The following ZNRF3 variants were observed in gnomAD, a reference collection of about 807,000 sequenced individuals.
ZNRF3 encodes zinc and ring finger 3.
In ZNRF3, 23 loss-of-function variants were observed where a neutral mutation model predicts 72.5. The observed-to-expected ratio is 0.32, with a 90% CI of 0.23 to 0.45. The LOEUF (loss-of-function observed/expected upper bound fraction) is 0.45. Ranked by LOEUF, ZNRF3 falls within the 20% of genes least tolerant of loss-of-function variation. The pLI, the probability that ZNRF3 is intolerant of heterozygous loss-of-function variation, is 1.00. For synonymous variants in ZNRF3, 610 were observed against 545.3 expected, an observed-to-expected ratio of 1.12 and a Z score of -1.65; for missense variants, 1,169 against 1,272.1, an observed-to-expected ratio of 0.92 and a Z score of 1.23.
chr22:28,941,276 A>C (rs2034942796), intron 1 of ZNRF3, among the ~76,000 whole-genome samples: 1 of 151,990 alleles, frequency 6.6e-6, no homozygotes, highest in Non-Finnish European at 1.5e-5. Flanking sequence ...GAGTAGTGCA[A>C]ATTTGTATTT....
At chr22:28,899,453 A>G (rs1323311774) in intron 1 of ZNRF3, among the ~76,000 whole-genome samples, 1 of 152,170 alleles carries the variant, frequency 6.6e-6, no homozygotes, top group Non-Finnish European at 1.5e-5. Flanking sequence ...TCAGCATGCC[A>G]AGCCCCGGCG....
chr22:29,028,539 G>A (rs2036686964), intron 2 of ZNRF3, among the ~76,000 whole-genome samples: 1 of 152,136 alleles, frequency 6.6e-6, no homozygotes, highest in African/African-American at 2.4e-5. Flanking sequence ...TGATATATGT[G>A]TACGTATCTC....
intron 2 of ZNRF3, among the ~76,000 whole-genome samples, chr22:29,017,157 A>T (rs1182886363): frequency 3.9e-5 from 6 of 152,224 alleles, no homozygotes; most frequent in Non-Finnish European, 7.3e-5. Context: ...GCAGTATTTT[A>T]AGTGTAACTT....
chr22:29,003,691 T>C (rs1310840917), intron 2 of ZNRF3, among the ~76,000 whole-genome samples: 2 of 151,736 alleles, frequency 1.3e-5, no homozygotes, highest in East Asian at 3.9e-4. Flanking sequence ...CATTAAAAAA[T>C]TAGCCAGATG....
chr22:28,995,562 C>T (rs2036032857), intron 2 of ZNRF3, among the ~76,000 whole-genome samples: 1 of 152,154 alleles, frequency 6.6e-6, no homozygotes, highest in African/African-American at 2.4e-5. Context: ...AGGAAGGGGG[C>T]AGTCACCTTA....
Position 28,904,780 on chromosome 22 carries a change from CTG to C in ZNRF3, c.300+20716_300+20717del, listed in dbSNP as rs796647617. 3.9e-5 allele frequency among the ~76,000 whole-genome samples: 6 copies of C among 152,188 alleles called. 1 individual carries two copies. Among genetic ancestry groups the C allele is most frequent in the African/African-American group, 1.4e-4 (6 of 41,524 alleles). ...TGCTTCTTTGGTAAAGGCTACCTCT[CTG>C]TATCCTCCTGCCTGCTTGAGATTGC... On this transcript the variant is annotated intron_variant, in intron 1 of 8. Transcript: ENST00000544604.
chr22:29,002,842 G>T (rs950517589), intron 2 of ZNRF3, among the ~76,000 whole-genome samples: 1 of 152,230 alleles, frequency 6.6e-6, no homozygotes, highest in African/African-American at 2.4e-5. Flanking sequence ...GAAAGCGCCT[G>T]GCAGAAATGG....
At chr22:28,959,717 A>G (rs900435945) in intron 1 of ZNRF3, among the ~76,000 whole-genome samples, 1 of 152,164 alleles carries the variant, frequency 6.6e-6, no homozygotes, top group Non-Finnish European at 1.5e-5. Context: ...GATGGGGTCT[A>G]TGGGAGGCAG....
chr22:28,915,570 A>C (rs2034393023), intron 1 of ZNRF3, among the ~76,000 whole-genome samples: 1 of 152,124 alleles, frequency 6.6e-6, no homozygotes, highest in South Asian at 2.1e-4. Flanking sequence ...GAGAACCCCC[A>C]GTTCTTTCCG....
At chr22:28,949,040 C>T (rs529755196) in intron 1 of ZNRF3, among the ~76,000 whole-genome samples, 5 of 152,206 alleles carry the variant, frequency 3.3e-5, no homozygotes, top group African/African-American at 1.2e-4. Flanking sequence ...AGTGCAATGG[C>T]GTGATCTCGG....
intron 1 of ZNRF3, among the ~76,000 whole-genome samples, chr22:28,962,149 G>A (rs538307558): frequency 2.8e-4 from 42 of 152,268 alleles, no homozygotes; most frequent in African/African-American, 8.9e-4. Context: ...TTCAGTTCTC[G>A]GTTTGCATTT....
chr22:29,021,637 G>A (rs1310678820), intron 2 of ZNRF3, among the ~76,000 whole-genome samples: 3 of 151,890 alleles, frequency 2.0e-5, no homozygotes, highest in African/African-American at 7.3e-5. Flanking sequence ...ACAGGCACGC[G>A]CCACCATGCC....
intron 8 of ZNRF3, among the ~76,000 whole-genome samples, chr22:29,052,465 C>T (rs147916701): frequency 2.0e-5 from 3 of 152,326 alleles, no homozygotes; most frequent in East Asian, 3.9e-4. Context: ...GAGGCCAAGG[C>T]AGGCAGATCA....
At chr22:29,027,334 C>T (rs992280205) in intron 2 of ZNRF3, among the ~76,000 whole-genome samples, 5 of 152,056 alleles carry the variant, frequency 3.3e-5, no homozygotes, top group East Asian at 1.9e-4. Context: ...CTGCAACCTC[C>T]GCCTCCCGGG....
In ZNRF3 at chr22:29,006,472, A is replaced by T. The variant is rs2036249806; in HGVS notation, c.426+19271A>T. Among the ~76,000 whole-genome samples, 3 of 152,216 alleles carry T rather than the reference A, an allele frequency of 2.0e-5. No homozygotes were observed. The South Asian group carries it at 6.2e-4, about 32-fold the overall frequency. The stretch of plus-strand genomic sequence containing the variant: ...GGTGATCTGCCTGCCTCGTCCTCCG[A>T]AAGTGCTGGGATTACAGGTGTGAGC... On this transcript the variant is annotated intron_variant, in intron 2 of 8. Coordinates refer to ENST00000544604, the MANE Select transcript of ZNRF3 (RefSeq NM_001206998.2).
In ZNRF3 at chr22:29,053,488, C is replaced by T. The variant is rs2037244013; in HGVS notation, c.2768-91C>T. Reference sequence around the variant, plus strand: ...CCCTTTAGCATACACAGGCCTGCCACATGCTGGGGACAGGGCCACCTGAGT... The same window carrying T: ...CCCTTTAGCATACACAGGCCTGCCATATGCTGGGGACAGGGCCACCTGAGT... On this transcript the variant is annotated intron_variant, in intron 8 of 8. Coordinates refer to ENST00000544604, the MANE Select transcript of ZNRF3 (RefSeq NM_001206998.2). 4 of 1,267,246 alleles carry T rather than the reference C, an allele frequency of 3.2e-6. No individual in the cohort carries two copies. The South Asian group carries it at 3.9e-5, about 12-fold the overall frequency. 78.5% of individuals were successfully genotyped at this position (1,267,246 alleles called of 1,614,324 possible).
intron 2 of ZNRF3, among the ~76,000 whole-genome samples, chr22:29,006,983 C>A (rs1213597038): frequency 6.6e-6 from 1 of 152,230 alleles, no homozygotes; most frequent in African/African-American, 2.4e-5. Context: ...TGCTGGCTAC[C>A]ATAAAACAGG....
chr22:28,944,452 C>G (rs995102904), intron 1 of ZNRF3, among the ~76,000 whole-genome samples: 33 of 151,874 alleles, frequency 2.2e-4, no homozygotes, highest in African/African-American at 8.0e-4. Context: ...GAAACCCCGT[C>G]TCTACTGAAA....
chr22:28,981,075 A>C (rs1217919422), intron 1 of ZNRF3, among the ~76,000 whole-genome samples: 1 of 152,248 alleles, frequency 6.6e-6, no homozygotes, highest in Non-Finnish European at 1.5e-5. Flanking sequence ...AACACCATAC[A>C]CGGAAGTATC....
Sources: allele counts gnomAD v4.1 joint callset (sites outside exome capture counted in the v4.1 genomes callset), GRCh38; gene constraint gnomAD v4.1.1; transcripts MANE v1.5; gene names NCBI Gene and HGNC (gene_info 2026-07-23, HGNC 2026-07-21).